Variants in LRP5 observed in about 807,000 individuals in gnomAD.
The protein encoded by LRP5 is LDL receptor related protein 5.
A neutral mutation model predicts 154.1 loss-of-function variants in LRP5; 62 were observed. The ratio of observed to expected loss-of-function variants is 0.40; its 90% CI spans 0.33 to 0.50. The LOEUF (loss-of-function observed/expected upper bound fraction) is 0.50, where lower values mean the gene tolerates loss of function less well. LRP5 is among the 20% of genes least tolerant of loss of function. The probability of loss-of-function intolerance (pLI) is 0.55; values close to 1 mark genes in which losing one functional copy is unlikely to be tolerated. For synonymous variants in LRP5, 966 were observed against 1,011.5 expected (o/e 0.96, Z 0.85); for missense variants, 1,915 against 2,336.7 (o/e 0.82, Z 3.72).
At position 68,368,072 on chromosome 11, in the gene LRP5, A is replaced by G. The variant is rs1485331239; in HGVS notation, c.1015+2370A>G. ...AGAGTGAGACCCTGTCTCAAAAAAA[A>G]AAAAAAAAAAATGCAGCTCGTCCTG... On this transcript the variant is annotated intron_variant, in intron 5 of 22. Transcript: ENST00000294304. Among the ~76,000 whole-genome samples the G allele has an allele frequency of 2.9e-4, 44 of 152,186 alleles. 1 individual carries two copies. The highest frequency in any genetic ancestry group is 9.6e-4 in the African/African-American group (40 of 41,482).
chr11:68,438,362 T>A, intron 19 of LRP5, 84 bp from the exon 20 acceptor site: 1 of 1,306,382 alleles, frequency 7.7e-7, no homozygotes, highest in Non-Finnish European at 1.1e-6. Context: ...GCCAGCCCCT[T>A]CAGGGCGCAC....
At chr11:68,395,378 C>T (rs575911437) in intron 7 of LRP5, among the ~76,000 whole-genome samples, 39 of 151,372 alleles carry the variant, frequency 2.6e-4, no homozygotes, top group Non-Finnish European at 4.6e-4. Context: ...GAAGGGGGAT[C>T]GTGGAGCAGG....
rs555184956 is a variant in LRP5, at chr11:68,445,115, T to C, written c.4489-1321T>C. On this transcript the variant is annotated intron_variant, in intron 21 of 22. Coordinates refer to ENST00000294304, the MANE Select transcript of LRP5 (RefSeq NM_002335.4). ...ATTTTATTTAATTTTAAATTTATTT[T>C]TTGAGACAGAGTCTCACTCTGTTGC... Among the ~76,000 whole-genome samples, 237 of 152,210 alleles carry C rather than the reference T, an allele frequency of 1.6e-3. 1 individual carries two copies. Among genetic ancestry groups the C allele is most frequent in the African/African-American group, 5.6e-3 (231 of 41,542 alleles).
At chr11:68,397,271 C>T (rs554682960) in intron 7 of LRP5, among the ~76,000 whole-genome samples, 4 of 152,304 alleles carry the variant, frequency 2.6e-5, no homozygotes, top group South Asian at 4.1e-4. Context: ...TCCTCTGCCC[C>T]GCCATGGCTT....
At chr11:68,304,309 C>T in the LRP5 span, among the ~76,000 whole-genome samples, 2 of 152,380 alleles carry the variant, frequency 1.3e-5, no homozygotes, top group Admixed American at 6.5e-5. Flanking sequence ...CAGCCATACA[C>T]CTTGGCAGCT....
intron 5 of LRP5, among the ~76,000 whole-genome samples, chr11:68,374,340 GA>G (rs1213949406): frequency 6.6e-6 from 1 of 152,162 alleles, no homozygotes; most frequent in Non-Finnish European, 1.5e-5. Context: ...AGGTCAAAGG[GA>G]AAAAAGAAAG....
Position 68,436,887 on chromosome 11 carries a change from A to G in LRP5, c.4001-2A>G. 1 of 1,612,050 alleles carries G rather than the reference A, an allele frequency of 6.2e-7. No homozygotes were observed. ...CTCTGAGTGCATGGCCTCTCCTTGC[A>G]GCCATCTGCCTGCCCAACCAGTTCC... On this transcript the variant is annotated splice_acceptor_variant, in intron 18 of 22. Coordinates refer to ENST00000294304, the MANE Select transcript of LRP5 (RefSeq NM_002335.4). LOFTEE classifies it high-confidence loss of function.
intron 13 of LRP5, among the ~76,000 whole-genome samples, chr11:68,421,229 G>A (rs1030331295): frequency 6.6e-6 from 1 of 151,768 alleles, no homozygotes; most frequent in African/African-American, 2.4e-5. Flanking sequence ...TCCGTCTCAC[G>A]CAAAACTCTG....
At chr11:68,315,683 C>T (rs776884686) in intron 1 of LRP5, among the ~76,000 whole-genome samples, 18 of 152,222 alleles carry the variant, frequency 1.2e-4, no homozygotes, top group Non-Finnish European at 1.9e-4. Flanking sequence ...GATAAGGCCC[C>T]GCCCCTGCGG....
intron 1 of LRP5, 114 bp from the exon 2 acceptor site, chr11:68,347,733 T>G (rs972370976): frequency 1.4e-5 from 18 of 1,291,588 alleles, no homozygotes; most frequent in Non-Finnish European, 1.8e-5. Context: ...GAACTGGAGG[T>G]CTTGGGCATG....
intron 6 of LRP5, among the ~76,000 whole-genome samples, chr11:68,389,352 A>ACG (rs1193664936): frequency 1.3e-5 from 2 of 152,206 alleles, no homozygotes; most frequent in East Asian, 3.9e-4. Context: ...ACTGACACTG[A>ACG]TGTTTACCGA....
At chr11:68,315,377 A>G (rs143108037) in intron 1 of LRP5, among the ~76,000 whole-genome samples, 5 of 152,220 alleles carry the variant, frequency 3.3e-5, no homozygotes, top group Non-Finnish European at 7.3e-5. Context: ...TCCACTGACA[A>G]ACTCACTCAC....
intron 9 of LRP5, among the ~76,000 whole-genome samples, chr11:68,407,865 A>G (rs1400180803): frequency 6.6e-6 from 1 of 151,576 alleles, no homozygotes; most frequent in Non-Finnish European, 1.5e-5. Flanking sequence ...AAAAAGTTTG[A>G]TTGGTGTAAC....
chr11:68,355,075 G>C (rs573072122), intron 2 of LRP5, among the ~76,000 whole-genome samples: 1 of 152,322 alleles, frequency 6.6e-6, no homozygotes, highest in Admixed American at 6.5e-5. Context: ...ACTCGCTCAG[G>C]AACGATACCA....
intron 1 of LRP5, among the ~76,000 whole-genome samples, chr11:68,315,020 G>A (rs35024560): frequency 1.2e-3 from 185 of 151,892 alleles, no homozygotes; most frequent in African/African-American, 4.2e-3. Flanking sequence ...TCACACACAC[G>A]GGTGGGGGAT....
chr11:68,314,604 C>A (rs1413846270), intron 1 of LRP5, among the ~76,000 whole-genome samples: 1 of 152,226 alleles, frequency 6.6e-6, no homozygotes, highest in Non-Finnish European at 1.5e-5. Context: ...ACGGAAATGG[C>A]TTTGTTCTAG....
At chr11:68,398,100 A>G (rs976085234) in intron 7 of LRP5, among the ~76,000 whole-genome samples, 12 of 152,018 alleles carry the variant, frequency 7.9e-5, no homozygotes, top group African/African-American at 2.9e-4. Flanking sequence ...TGTTCAACAG[A>G]GTGGGGTACT....
the LRP5 span, among the ~76,000 whole-genome samples, chr11:68,307,313 T>A: frequency 0.046 from 7,050 of 151,880 alleles, 224 homozygotes; most frequent in African/African-American, 0.085. Context: ...CTGTCCCCCA[T>A]CTCTATAAAA....
upstream of LRP5, among the ~76,000 whole-genome samples, chr11:68,309,034 C>T (rs2098585915): frequency 1.4e-5 from 2 of 147,008 alleles, no homozygotes; most frequent in South Asian, 2.2e-4. Context: ...CCCAGGTTCA[C>T]GCCATTCTCC....
Sources: gnomAD v4.1 joint callset for allele counts (sites outside exome capture counted in the v4.1 genomes callset) on GRCh38, gnomAD v4.1.1 for gene constraint, MANE v1.5 for transcripts, NCBI Gene and HGNC (gene_info 2026-07-23, HGNC 2026-07-21) for gene names.